Variants in ROCK2 observed in about 807,000 individuals in gnomAD.
ROCK2 encodes the protein rho-associated protein kinase 2.
In ROCK2, 61 loss-of-function variants were observed where a neutral mutation model predicts 195.1. The ratio of observed to expected loss-of-function variants is 0.31; its 90% CI spans 0.25 to 0.39. The LOEUF (loss-of-function observed/expected upper bound fraction) is 0.39. ROCK2 is among the 10% of genes least tolerant of loss of function. The probability of loss-of-function intolerance (pLI) is 1.00; values close to 1 mark genes in which losing one functional copy is unlikely to be tolerated. For missense variants in ROCK2, 1,109 were observed against 1,637.4 expected, an observed-to-expected ratio of 0.68 and a Z score of 5.57; for synonymous variants, 504 against 545.5, an observed-to-expected ratio of 0.92 and a Z score of 1.06.
intron 3 of ROCK2, among the ~76,000 whole-genome samples, chr2:11,282,960 G>GAC (rs1244197514): frequency 6.6e-6 from 1 of 152,106 alleles, no homozygotes; most frequent in East Asian, 1.9e-4. Flanking sequence ...GACCTGAACA[G>GAC]ACACTTCATC....
intron 5 of ROCK2, among the ~76,000 whole-genome samples, chr2:11,233,094 G>A (rs1417244277): frequency 6.6e-6 from 1 of 151,902 alleles, no homozygotes; most frequent in African/African-American, 2.4e-5. Flanking sequence ...TACGCCTGTT[G>A]TCCCAGCTAC....
At chr2:11,254,690 T>G (rs1381293806) in intron 3 of ROCK2, among the ~76,000 whole-genome samples, 2 of 120,500 alleles carry the variant, frequency 1.7e-5, no homozygotes, top group South Asian at 2.7e-4. Context: ...AGCCCAAGAG[T>G]TTGAGACAGC....
rs368014961 is a variant in ROCK2, at chr2:11,286,625, T to C, written c.238A>G (p.Lys80Glu). 6 of 1,597,874 alleles carry C rather than the reference T, an allele frequency of 3.8e-6. No homozygotes were observed. The highest frequency in any genetic ancestry group is 5.1e-6 in the Non-Finnish European group (6 of 1,167,494). Residue 80 changes from lysine (K) to glutamate (E), a missense_variant, in exon 3 of 33, where the codon AAA becomes GAA. Transcript: ENST00000315872. ...NFLNRYEKIV[K>E]KIRGLQMKAE... The stretch of plus-strand genomic sequence containing the variant: ...TTCATCTGTAGACCTCTGATTTTTT[T>C]CACAATTTTCTCATCTACCATAAAA...
intron 1 of ROCK2, among the ~76,000 whole-genome samples, chr2:11,315,983 G>A (rs778281738): frequency 7.2e-5 from 11 of 152,044 alleles, no homozygotes; most frequent in Non-Finnish European, 1.0e-4. Context: ...ACTGAGGAAC[G>A]GAATTTATGT....
intron 5 of ROCK2, among the ~76,000 whole-genome samples, chr2:11,231,938 T>C (rs1453264886): frequency 6.6e-6 from 1 of 152,202 alleles, no homozygotes; most frequent in African/African-American, 2.4e-5. Context: ...AAGTATTGGC[T>C]AATTTTTCCT....
At chr2:11,296,021 A>G (rs1437599305) in intron 1 of ROCK2, among the ~76,000 whole-genome samples, 33 of 93,010 alleles carry the variant, frequency 3.5e-4, no homozygotes, top group Middle Eastern at 5.8e-3. Context: ...AGAGAGAGAG[A>G]GAGAGAGAGA....
intron 32 of ROCK2, among the ~76,000 whole-genome samples, chr2:11,188,610 T>A (rs1663292373): frequency 8.6e-6 from 1 of 116,874 alleles, no homozygotes; most frequent in Non-Finnish European, 2.1e-5. Context: ...ATTTCTAGTC[T>A]TATTTTATTT....
chr2:11,308,311 C>G (rs1441721416), intron 1 of ROCK2: 1 of 1,124,560 alleles, frequency 8.9e-7, no homozygotes, highest in South Asian at 1.2e-5. Flanking sequence ...TAGAACCAAT[C>G]CTAAAGAATA....
At chr2:11,183,743 G>C (rs944359317) in intron 32 of ROCK2, among the ~76,000 whole-genome samples, 1 of 31,274 alleles carries the variant, frequency 3.2e-5, no homozygotes, top group African/African-American at 9.4e-5. Flanking sequence ...GAATAACTTA[G>C]AAGATAAAAG....
chr2:11,335,503 C>A (rs1354584327), intron 1 of ROCK2, among the ~76,000 whole-genome samples: 1 of 152,092 alleles, frequency 6.6e-6, no homozygotes, highest in Non-Finnish European at 1.5e-5. Context: ...ATTCTCTCCA[C>A]CAGTAATCCT....
rs767132059 is a variant in ROCK2 at position 11,214,999 on chromosome 2, G to C, written c.1777C>G (p.Gln593Glu). The change falls in exon 16 of 33, where the codon CAG becomes GAG. Residue 593 changes from glutamine (Q) to glutamate (E), a missense_variant. Around this residue, in one of 6 missense-constraint regions of ROCK2, gnomAD observed 542 missense variants for 672.0 expected, o/e 0.81. Coordinates refer to ENST00000315872, the MANE Select transcript of ROCK2 (RefSeq NM_004850.5). ...TCTCTATTGTTAGATTCCAGCTGCT[G>C]AATCTGTTTTGAACTTTCTGCCTGG... ...KTQAESSKQI[Q>E]QLESNNRDLQ... is the part of the protein sequence containing the mutation. The C allele has an allele frequency of 3.7e-6, 6 of 1,613,480 alleles. No individual in the cohort carries two copies. The highest frequency in any genetic ancestry group is 4.2e-6 in the Non-Finnish European group (5 of 1,179,826).
intron 1 of ROCK2, among the ~76,000 whole-genome samples, chr2:11,326,357 T>C (rs1390231533): frequency 3.3e-5 from 5 of 152,236 alleles, no homozygotes; most frequent in Non-Finnish European, 7.3e-5. Flanking sequence ...ATTTGACAAG[T>C]GTCAAGTACT....
chr2:11,189,672 TAA>T (rs1663340112), intron 32 of ROCK2, among the ~76,000 whole-genome samples: 2 of 152,234 alleles, frequency 1.3e-5, no homozygotes, highest in South Asian at 4.1e-4. Flanking sequence ...AAGTGACTCT[TAA>T]AATGTGACAT....
intron 1 of ROCK2, among the ~76,000 whole-genome samples, chr2:11,309,964 T>A (rs753391351): frequency 1.3e-5 from 2 of 148,798 alleles, no homozygotes; most frequent in Non-Finnish European, 3.0e-5. Context: ...CTGCCCTGTC[T>A]CCAAAAAAAA....
chr2:11,324,649 T>C (rs1668495069), intron 1 of ROCK2, among the ~76,000 whole-genome samples: 1 of 152,172 alleles, frequency 6.6e-6, no homozygotes, highest in African/African-American at 2.4e-5. Context: ...AAACTTAAAA[T>C]GCATATTGCT....
chr2:11,266,488 T>C (rs893611410), intron 3 of ROCK2, among the ~76,000 whole-genome samples: 3 of 152,214 alleles, frequency 2.0e-5, no homozygotes, highest in African/African-American at 7.2e-5. Context: ...ATACTAAAGT[T>C]ACTTGTACAA....
chr2:11,286,327 T>C (rs1193531346), intron 3 of ROCK2, among the ~76,000 whole-genome samples: 1 of 150,742 alleles, frequency 6.6e-6, no homozygotes, highest in African/African-American at 2.4e-5. Context: ...TGAAGCTATA[T>C]TGGCCTTATT....
chr2:11,291,594 CA>C (rs1227140391), intron 1 of ROCK2, among the ~76,000 whole-genome samples: 2 of 151,678 alleles, frequency 1.3e-5, no homozygotes, highest in African/African-American at 4.8e-5. Flanking sequence ...TAAAATGCTT[CA>C]AAAAAATAAA....
intron 1 of ROCK2, among the ~76,000 whole-genome samples, chr2:11,343,353 C>T (rs1465713472): frequency 6.6e-6 from 1 of 152,132 alleles, no homozygotes; most frequent in Non-Finnish European, 1.5e-5. Context: ...AGGAAAGAGA[C>T]GCAATGAAGA....
Sources: gnomAD v4.1 joint callset for allele counts (sites outside exome capture counted in the v4.1 genomes callset) on GRCh38, gnomAD v4.1.1 for gene constraint, gnomAD v4.1.1 regional missense constraint, MANE v1.5 for transcripts, NCBI Gene and HGNC (gene_info 2026-07-23, HGNC 2026-07-21) for gene names.